INTU: variants seen among roughly 807,000 people sequenced by gnomAD.
INTU encodes protein inturned.
A neutral mutation model predicts 100.5 loss-of-function variants in INTU; 68 were observed. That is an observed-to-expected ratio of 0.68 (90% CI 0.56 to 0.83). The LOEUF is 0.83. Ranked by LOEUF, INTU falls within the 40% of genes least tolerant of loss-of-function variation. The pLI is 0.00. For missense variants in INTU, 1,071 were observed against 1,114.7 expected (o/e 0.96, Z 0.56); for synonymous variants, 357 against 395.7 (o/e 0.90, Z 1.16).
intron 2 of INTU, among the ~76,000 whole-genome samples, chr4:127,646,066 C>G (rs761024877): frequency 6.6e-5 from 10 of 151,806 alleles, no homozygotes; most frequent in Non-Finnish European, 1.5e-4. Context: ...TGCCTGTAAT[C>G]TCAGCTGCTG....
intron 8 of INTU, among the ~76,000 whole-genome samples, chr4:127,695,328 G>A (rs2148720518): frequency 6.6e-6 from 1 of 152,284 alleles, no homozygotes; most frequent in South Asian, 2.1e-4. Flanking sequence ...TTCTATGCTT[G>A]GGTGCAGTGG....
At chr4:127,671,304 G>A (rs1328594716) in intron 5 of INTU, among the ~76,000 whole-genome samples, 1 of 152,004 alleles carries the variant, frequency 6.6e-6, no homozygotes, top group East Asian at 1.9e-4. Context: ...AGTGGGCAAA[G>A]GACATGAACA....
At chr4:127,684,232 A>G (rs1379756615) in intron 6 of INTU, among the ~76,000 whole-genome samples, 177 bp from the exon 7 acceptor site, 1 of 152,166 alleles carries the variant, frequency 6.6e-6, no homozygotes, top group Non-Finnish European at 1.5e-5. Context: ...CTGGAACTAA[A>G]TCTAGAATAA....
chr4:127,673,466 A>C (rs985743618), intron 5 of INTU, among the ~76,000 whole-genome samples: 1 of 150,860 alleles, frequency 6.6e-6, no homozygotes, highest in Non-Finnish European at 1.5e-5. Context: ...GATTATAGGT[A>C]TGATCCACTG....
At chr4:127,649,677 T>G (rs1180232994) in intron 2 of INTU, among the ~76,000 whole-genome samples, 1 of 152,176 alleles carries the variant, frequency 6.6e-6, no homozygotes, top group Non-Finnish European at 1.5e-5. Flanking sequence ...TTTGGGATAC[T>G]TAGCCTGTAT....
chr4:127,641,015 C>G (rs1323770572), intron 1 of INTU, among the ~76,000 whole-genome samples: 3 of 30,186 alleles, frequency 9.9e-5, no homozygotes, highest in Non-Finnish European at 1.8e-4. Context: ...ATGAATCCCT[C>G]TCTCTCTCTC....
At chr4:127,662,267 G>A (rs1301083188) in intron 3 of INTU, among the ~76,000 whole-genome samples, 3 of 152,044 alleles carry the variant, frequency 2.0e-5, no homozygotes, top group Admixed American at 2.0e-4. Context: ...CTGTGCAAAA[G>A]CTTTTTAGTT....
At chr4:127,689,708 AAAAGGAAAAAGG>A (rs1400460685) in intron 8 of INTU, among the ~76,000 whole-genome samples, 1 of 151,934 alleles carries the variant, frequency 6.6e-6, no homozygotes, top group Non-Finnish European at 1.5e-5. Flanking sequence ...AAGGGAAGAG[AAAAGGAAAAAGG>A]AAAGGAGAAA....
At chr4:127,708,538 A>C in intron 12 of INTU, 33 bp from the exon 13 acceptor site, 4 of 1,102,200 alleles carry the variant, frequency 3.6e-6, no homozygotes, top group Non-Finnish European at 5.5e-6. Context: ...CCATTCTTAG[A>C]TATAAACTGA....
chr4:127,680,853 C>G (rs1729503684), intron 6 of INTU, among the ~76,000 whole-genome samples: 1 of 151,696 alleles, frequency 6.6e-6, no homozygotes, highest in Non-Finnish European at 1.5e-5. Context: ...CTAGAAAACC[C>G]CATTGTCTCA....
At chr4:127,654,557 C>G (rs543143093) in intron 2 of INTU, among the ~76,000 whole-genome samples, 3 of 152,314 alleles carry the variant, frequency 2.0e-5, no homozygotes, top group Middle Eastern at 6.8e-3. Flanking sequence ...GGCCCCCACT[C>G]TCTTCTGGCT....
intron 1 of INTU, among the ~76,000 whole-genome samples, chr4:127,636,566 C>T (rs891538302): frequency 2.7e-5 from 4 of 149,912 alleles, no homozygotes; most frequent in Non-Finnish European, 5.9e-5. Flanking sequence ...GAGCCGAGAT[C>T]GCACCATTGC....
chr4:127,653,874 A>C (rs1291075702), intron 2 of INTU, among the ~76,000 whole-genome samples: 1 of 151,542 alleles, frequency 6.6e-6, no homozygotes, highest in African/African-American at 2.4e-5. Context: ...TTTGTAGGTC[A>C]CTCAGGACTT....
rs1189210613 is a variant in INTU, at chr4:127,721,045, AT to A, written c.*4610del. 2 of 151,980 alleles carry A rather than the reference AT, an allele frequency of 1.3e-5. No homozygotes were observed. The highest frequency in any genetic ancestry group is 4.8e-5 in the African/African-American group (2 of 41,382). The allele number at this position is 151,980 out of a possible 1,614,324, so 9.4% of individuals were successfully genotyped here. A position where few individuals can be genotyped will look rare whatever the true frequency, so the allele number is the denominator to read the frequency against. ...AGTTGATTATTTTGCAGACTTGTTT[AT>A]GTTTTTGCTTCATAGTGTTACTGAT... On this transcript the variant is annotated 3_prime_UTR_variant, in exon 16 of 16. Coordinates refer to ENST00000335251, the MANE Select transcript of INTU (RefSeq NM_015693.4).
chr4:127,701,915 G>C (rs534126895), intron 9 of INTU, among the ~76,000 whole-genome samples: 1 of 152,112 alleles, frequency 6.6e-6, no homozygotes, highest in South Asian at 2.1e-4. Context: ...TAAACAAATG[G>C]AAGGGTGTTT....
chr4:127,663,138 A>G (rs1402650350), intron 3 of INTU, among the ~76,000 whole-genome samples: 1 of 152,156 alleles, frequency 6.6e-6, no homozygotes, highest in Non-Finnish European at 1.5e-5. Context: ...TGAATTTTAT[A>G]CAGAACATTA....
At chr4:127,679,428 T>A (rs1261274379) in intron 6 of INTU, among the ~76,000 whole-genome samples, 2 of 152,212 alleles carry the variant, frequency 1.3e-5, no homozygotes, top group South Asian at 4.1e-4. Flanking sequence ...GCAATCAAAC[T>A]ACAACTCAGG....
chr4:127,659,515 T>G (rs557068021), intron 3 of INTU, among the ~76,000 whole-genome samples: 4 of 152,316 alleles, frequency 2.6e-5, no homozygotes, highest in African/African-American at 9.6e-5. Flanking sequence ...AAGAAGAGGT[T>G]TTCGAAATTT....
At chr4:127,675,495 A>C (rs57528261) in intron 6 of INTU, among the ~76,000 whole-genome samples, 2 of 152,352 alleles carry the variant, frequency 1.3e-5, no homozygotes, top group East Asian at 3.9e-4. Context: ...CCAAAAACAT[A>C]GGGGTAATTT....
Sources: allele counts gnomAD v4.1 joint callset (sites outside exome capture counted in the v4.1 genomes callset), GRCh38; gene constraint gnomAD v4.1.1; transcripts MANE v1.5; gene names NCBI Gene and HGNC (gene_info 2026-07-23, HGNC 2026-07-21).